COPG2: variants seen among roughly 807,000 people sequenced by gnomAD.
COPG2 encodes coatomer subunit gamma-2.
A neutral mutation model predicts 46.3 loss-of-function variants in COPG2; 37 were observed. The ratio of observed to expected loss-of-function variants is 0.80; its 90% CI spans 0.61 to 1.05. COPG2 has a LOEUF of 1.05. Ranked by LOEUF, COPG2 falls within the 50% of genes least tolerant of loss-of-function variation. The pLI is 0.00. For missense variants in COPG2, 427 were observed against 387.8 expected (o/e 1.10, Z -0.85); for synonymous variants, 159 against 129.7 (o/e 1.23, Z -1.53).
intron 9 of COPG2, among the ~76,000 whole-genome samples, chr7:130,572,351 A>T (rs1380432942): frequency 1.3e-5 from 2 of 152,214 alleles, no homozygotes; most frequent in Admixed American, 6.5e-5. Context: ...CTTGAACAAC[A>T]TGATCAACCA....
At chr7:130,607,598 G>T (rs927684405) in intron 9 of COPG2, 1 of 459,654 alleles carries the variant, frequency 2.2e-6, no homozygotes, top group Non-Finnish European at 4.3e-6. Flanking sequence ...ACTGCTTTTG[G>T]CAGGTCTCCT....
intron 5 of COPG2, among the ~76,000 whole-genome samples, chr7:130,646,268 T>C (rs1554458167): frequency 2.0e-5 from 3 of 152,238 alleles, no homozygotes; most frequent in African/African-American, 7.2e-5. Flanking sequence ...TTGATGTAGA[T>C]GGTCTGCTGC....
chr7:130,649,331 A>G (rs1483906176), intron 5 of COPG2, among the ~76,000 whole-genome samples: 1 of 152,160 alleles, frequency 6.6e-6, no homozygotes, highest in Non-Finnish European at 1.5e-5. Flanking sequence ...AATTTCCAAA[A>G]TCATCAAGCC....
chr7:130,663,461 T>C (rs1554461046), intron 3 of COPG2, among the ~76,000 whole-genome samples: 1 of 152,050 alleles, frequency 6.6e-6, no homozygotes, highest in African/African-American at 2.4e-5. Flanking sequence ...ATAATAAATA[T>C]TAAAATATAA....
intron 9 of COPG2, among the ~76,000 whole-genome samples, chr7:130,592,251 G>C (rs1238066382): frequency 2.6e-5 from 4 of 152,052 alleles, no homozygotes; most frequent in African/African-American, 9.7e-5. Flanking sequence ...AGTACCCAGG[G>C]ACACAAACAC....
chr7:130,528,860 G>A (rs1337503879), intron 20 of COPG2, among the ~76,000 whole-genome samples: 4 of 152,008 alleles, frequency 2.6e-5, no homozygotes, highest in African/African-American at 9.7e-5. Flanking sequence ...CGGATGCAGA[G>A]AATCCAGGGA....
intron 9 of COPG2, among the ~76,000 whole-genome samples, chr7:130,598,676 A>G (rs1794575367): frequency 6.6e-6 from 1 of 152,228 alleles, no homozygotes; most frequent in Non-Finnish European, 1.5e-5. Context: ...CAAAGCATCA[A>G]CTGCTCGGAG....
At chr7:130,654,050 C>A (rs564819833) in intron 4 of COPG2, among the ~76,000 whole-genome samples, 1 of 152,112 alleles carries the variant, frequency 6.6e-6, no homozygotes, top group South Asian at 2.1e-4. Flanking sequence ...GGGGGCTCAA[C>A]ATTATTAGTC....
At chr7:130,558,701 T>C (rs1172077384) in intron 12 of COPG2, among the ~76,000 whole-genome samples, 1 of 152,090 alleles carries the variant, frequency 6.6e-6, no homozygotes, top group Non-Finnish European at 1.5e-5. Context: ...TTGTATTTTT[T>C]TGTAGAGACA....
chr7:130,582,352 T>C (rs1416478248), intron 9 of COPG2, among the ~76,000 whole-genome samples: 1 of 147,022 alleles, frequency 6.8e-6, no homozygotes, highest in East Asian at 2.0e-4. Flanking sequence ...CAATTCAAGA[T>C]GGATTAAAGA....
chr7:130,523,515 A>G (rs1799745280), intron 20 of COPG2, among the ~76,000 whole-genome samples: 1 of 152,164 alleles, frequency 6.6e-6, no homozygotes, highest in African/African-American at 2.4e-5. Context: ...ACGCACGTGC[A>G]GTGGGGCTGA....
intron 5 of COPG2, among the ~76,000 whole-genome samples, chr7:130,620,410 C>T (rs1554453461): frequency 6.6e-6 from 1 of 152,186 alleles, no homozygotes; most frequent in African/African-American, 2.4e-5. Context: ...TAAAAACAGC[C>T]ATACACAATA....
intron 20 of COPG2, among the ~76,000 whole-genome samples, chr7:130,520,101 G>A (rs1305358094): frequency 6.6e-6 from 1 of 152,132 alleles, no homozygotes; most frequent in Non-Finnish European, 1.5e-5. Context: ...GGACTGGTTG[G>A]GAATCATGAT....
chr7:130,657,148 A>G (rs1450525506), intron 4 of COPG2, among the ~76,000 whole-genome samples: 1 of 152,108 alleles, frequency 6.6e-6, no homozygotes, highest in Non-Finnish European at 1.5e-5. Context: ...ATAGAGCTAA[A>G]GTAAGAACAG....
At chr7:130,597,184 C>T (rs1429925421) in intron 9 of COPG2, among the ~76,000 whole-genome samples, 1 of 152,164 alleles carries the variant, frequency 6.6e-6, no homozygotes, top group Non-Finnish European at 1.5e-5. Context: ...ACCTTCACAC[C>T]CTTCTCTACA....
intron 9 of COPG2, among the ~76,000 whole-genome samples, chr7:130,600,642 G>T (rs1794618465): frequency 6.6e-6 from 1 of 152,116 alleles, no homozygotes; most frequent in African/African-American, 2.4e-5. Context: ...TTTTTTATGT[G>T]TGTGAGTGTA....
intron 20 of COPG2, among the ~76,000 whole-genome samples, chr7:130,532,173 C>T (rs1584965008): frequency 1.3e-5 from 2 of 152,168 alleles, no homozygotes. Context: ...AACATAGTTC[C>T]CGACAGACCA....
chr7:130,560,997 G>A (rs1793710050), intron 12 of COPG2, 36 bp downstream of exon 12: 1 of 398,396 alleles, frequency 2.5e-6, no homozygotes, highest in East Asian at 3.6e-5. Flanking sequence ...GCAGCCAACA[G>A]ACTGGGAGAA....
chr7:130,635,999 T>C (rs1795329721), intron 5 of COPG2, among the ~76,000 whole-genome samples: 1 of 152,188 alleles, frequency 6.6e-6, no homozygotes, highest in South Asian at 2.1e-4. Flanking sequence ...TCAGTTTCCA[T>C]GTAGTTGTAT....
Sources: allele counts gnomAD v4.1 joint callset (sites outside exome capture counted in the v4.1 genomes callset), GRCh38; gene constraint gnomAD v4.1.1; transcripts MANE v1.5; gene names NCBI Gene and HGNC (gene_info 2026-07-23, HGNC 2026-07-21).